DLG1: variants seen among roughly 807,000 people sequenced by gnomAD.
The protein encoded by DLG1 is disks large homolog 1.
A neutral mutation model predicts 123.4 loss-of-function variants in DLG1; 42 were observed. The observed-to-expected ratio is 0.34, with a 90% confidence interval of 0.27 to 0.44. DLG1 has a LOEUF of 0.44. DLG1 is among the 20% of genes least tolerant of loss of function. DLG1 has a pLI of 1.00. For synonymous variants in DLG1, 317 were observed against 356.2 expected (o/e 0.89, Z 1.24); for missense variants, 942 against 1,082.6 (o/e 0.87, Z 1.82).
At chr3:197,122,268 A>G (rs1244138458) in intron 11 of DLG1, among the ~76,000 whole-genome samples, 1 of 152,106 alleles carries the variant, frequency 6.6e-6, no homozygotes, top group Non-Finnish European at 1.5e-5. Flanking sequence ...CAATACTTAC[A>G]GGATAAAAAC....
At chr3:197,204,470 T>A (rs1398077713) in intron 4 of DLG1, among the ~76,000 whole-genome samples, 1 of 152,234 alleles carries the variant, frequency 6.6e-6, no homozygotes, top group Non-Finnish European at 1.5e-5. Context: ...TGATTTTCCC[T>A]CATCCATCAG....
intron 5 of DLG1, among the ~76,000 whole-genome samples, chr3:197,157,357 A>G (rs981254662): frequency 6.6e-6 from 1 of 152,204 alleles, no homozygotes; most frequent in African/African-American, 2.4e-5. Flanking sequence ...AATACACAAA[A>G]ATCAGTTGTA....
intron 4 of DLG1, among the ~76,000 whole-genome samples, chr3:197,194,921 C>T (rs1721606634): frequency 6.6e-6 from 1 of 152,016 alleles, no homozygotes; most frequent in Admixed American, 6.6e-5. Context: ...AGTTAGGCAC[C>T]TTAGTCTGGT....
intron 5 of DLG1, among the ~76,000 whole-genome samples, chr3:197,153,410 G>A (rs961307398): frequency 2.0e-5 from 3 of 152,184 alleles, no homozygotes; most frequent in African/African-American, 7.2e-5. Flanking sequence ...TGCAGGCTTA[G>A]CACAGCAGCA....
intron 13 of DLG1, among the ~76,000 whole-genome samples, chr3:197,114,839 G>A (rs1038898699): frequency 6.6e-6 from 1 of 151,926 alleles, no homozygotes; most frequent in African/African-American, 2.4e-5. Context: ...AATTAGCCAG[G>A]CGTGGTGGCG....
intron 4 of DLG1, among the ~76,000 whole-genome samples, chr3:197,250,142 A>T (rs1161558296): frequency 1.3e-5 from 2 of 152,224 alleles, no homozygotes; most frequent in East Asian, 3.9e-4. Flanking sequence ...ATGATCTCAT[A>T]CCTAGAAAAA....
At chr3:197,125,705 A>G (rs1013466058) in intron 11 of DLG1, among the ~76,000 whole-genome samples, 6 of 152,224 alleles carry the variant, frequency 3.9e-5, no homozygotes, top group Admixed American at 6.5e-5. Flanking sequence ...AGTGGAGGGC[A>G]GGATAGTCAG....
intron 13 of DLG1, among the ~76,000 whole-genome samples, chr3:197,111,645 A>AC (rs1479507980): frequency 1.3e-5 from 2 of 152,222 alleles, no homozygotes; most frequent in East Asian, 3.8e-4. Flanking sequence ...ACCCCAGACA[A>AC]GACATGTATC....
chr3:197,100,675 G>T (rs1031852180), intron 14 of DLG1, among the ~76,000 whole-genome samples: 6 of 151,968 alleles, frequency 3.9e-5, no homozygotes, highest in East Asian at 1.9e-4. Flanking sequence ...GTAAGAACAG[G>T]GTATGGAGAC....
chr3:197,085,780 C>T (rs756171165), intron 15 of DLG1, 24 bp from the exon 16 acceptor site: 5 of 1,596,702 alleles, frequency 3.1e-6, no homozygotes, highest in Non-Finnish European at 2.6e-6. Flanking sequence ...AAAAAAAGTC[C>T]ATAATCACTT....
intron 24 of DLG1, among the ~76,000 whole-genome samples, chr3:197,050,155 C>G (rs1449419792): frequency 6.6e-6 from 1 of 152,088 alleles, no homozygotes; most frequent in Non-Finnish European, 1.5e-5. Flanking sequence ...ATCACGAGGT[C>G]AGGAGATCAA....
intron 14 of DLG1, among the ~76,000 whole-genome samples, chr3:197,098,288 T>C (rs1761730196): frequency 6.6e-6 from 1 of 152,214 alleles, no homozygotes; most frequent in South Asian, 2.1e-4. Flanking sequence ...TTAATAGAAG[T>C]CCTAGTGATT....
At chr3:197,238,158 T>C (rs1285016941) in intron 4 of DLG1, among the ~76,000 whole-genome samples, 5 of 152,154 alleles carry the variant, frequency 3.3e-5, no homozygotes, top group African/African-American at 1.2e-4. Flanking sequence ...CCTTTCACTG[T>C]CAGAGCAGCG....
intron 4 of DLG1, among the ~76,000 whole-genome samples, chr3:197,275,985 C>A (rs560429565): frequency 6.6e-6 from 1 of 152,172 alleles, no homozygotes; most frequent in African/African-American, 2.4e-5. Context: ...ATACCACAAG[C>A]ACCATATAAA....
chr3:197,045,121 T>TG (rs1456249729), intron 24 of DLG1, among the ~76,000 whole-genome samples: 4 of 151,864 alleles, frequency 2.6e-5, no homozygotes, highest in African/African-American at 9.7e-5. Context: ...TTTTTTTTTT[T>TG]GGGGTAGGAT....
At chr3:197,096,464 TG>T (rs992525884) in intron 14 of DLG1, among the ~76,000 whole-genome samples, 1 of 152,188 alleles carries the variant, frequency 6.6e-6, no homozygotes, top group African/African-American at 2.4e-5. Context: ...GCCAACCTCA[TG>T]GGTAAGTCCA....
chr3:197,191,272 C>T (rs573483160), intron 5 of DLG1, among the ~76,000 whole-genome samples: 16 of 152,234 alleles, frequency 1.1e-4, no homozygotes, highest in Admixed American at 3.3e-4. Flanking sequence ...AGGGATAACA[C>T]CTTAGGTTTA....
chr3:197,197,266 G>A (rs944770541), intron 4 of DLG1, among the ~76,000 whole-genome samples: 2 of 152,188 alleles, frequency 1.3e-5, no homozygotes, highest in Non-Finnish European at 2.9e-5. Flanking sequence ...ACTACAGGTG[G>A]TGGTGTGTTA....
intron 5 of DLG1, among the ~76,000 whole-genome samples, chr3:197,153,923 A>G (rs898822792): frequency 4.6e-5 from 7 of 152,194 alleles, no homozygotes; most frequent in Admixed American, 3.9e-4. Context: ...CAGAGTTACC[A>G]AATTATTAAA....
Sources: allele counts gnomAD v4.1 joint callset (sites outside exome capture counted in the v4.1 genomes callset), GRCh38; gene constraint gnomAD v4.1.1; transcripts MANE v1.5; gene names NCBI Gene and HGNC (gene_info 2026-07-23, HGNC 2026-07-21).